The following SCCPDH variants were observed in gnomAD, a reference collection of about 807,000 sequenced individuals.
SCCPDH encodes saccharopine dehydrogenase-like oxidoreductase.
A neutral mutation model predicts 51.5 loss-of-function variants in SCCPDH; 34 were observed. The observed-to-expected ratio is 0.66, with a 90% CI of 0.50 to 0.88. The LOEUF is 0.88. Among genes scored for constraint, SCCPDH ranks in the 40% least tolerant of loss-of-function variants. The pLI is 0.00. For synonymous variants in SCCPDH, 187 were observed against 191.3 expected (o/e 0.98, Z 0.19); for missense variants, 464 against 527.1 (o/e 0.88, Z 1.17).
chr1:246,734,553 A>T (rs1668540325), intron 2 of SCCPDH, among the ~76,000 whole-genome samples: 2 of 152,094 alleles, frequency 1.3e-5, no homozygotes, highest in Admixed American at 6.5e-5. Context: ...AGGAACTCGA[A>T]TTTCACACAC....
chr1:246,765,408 G>A (rs1669073223), intron 10 of SCCPDH, among the ~76,000 whole-genome samples: 1 of 152,206 alleles, frequency 6.6e-6, no homozygotes, highest in Non-Finnish European at 1.5e-5. Context: ...TTTTAATCAA[G>A]CCAGATGATA....
At chr1:246,743,045 T>C (rs1262086121) in intron 4 of SCCPDH, among the ~76,000 whole-genome samples, 2 of 152,206 alleles carry the variant, frequency 1.3e-5, no homozygotes, top group Non-Finnish European at 2.9e-5. Flanking sequence ...TGTAAGCCAC[T>C]GTTAATAAGC....
chr1:246,763,390 TG>T (rs1669046708), intron 9 of SCCPDH, among the ~76,000 whole-genome samples: 1 of 152,198 alleles, frequency 6.6e-6, no homozygotes, highest in African/African-American at 2.4e-5. Context: ...TGTCTGACCT[TG>T]TCTGTACCTC....
intron 2 of SCCPDH, among the ~76,000 whole-genome samples, chr1:246,733,902 CAG>C (rs1009886371): frequency 1.3e-5 from 2 of 152,150 alleles, no homozygotes; most frequent in African/African-American, 2.4e-5. Context: ...TAACAAAAAA[CAG>C]AGGGAAATCC....
intron 4 of SCCPDH, among the ~76,000 whole-genome samples, chr1:246,742,804 C>T (rs1668699841): frequency 6.6e-6 from 1 of 152,130 alleles, no homozygotes; most frequent in South Asian, 2.1e-4. Context: ...AATTAGCCAG[C>T]CCATTATATT....
rs1668988963 is a variant in SCCPDH, at chr1:246,760,126, A to G, written c.934-45A>G. 5.0e-6 allele frequency: 8 copies of G among 1,595,434 alleles called. No individual in the cohort carries two copies. The East Asian group carries it at 6.7e-5, about 13-fold the overall frequency. ...ATTATTTTTATTAGAAGTATTTTCC[A>G]TGAGTTTTAAAAAAATATCACTGAC... is the stretch of plus-strand genomic sequence containing the variant. On this transcript the variant is annotated intron_variant, in intron 8 of 11. Transcript: ENST00000366510.
rs1387685602 is a variant in SCCPDH, at chr1:246,760,063, A to C, written c.920A>C (p.Gln307Pro). ...TTTGTGAGGTTTGGAATTGGAAGGC[A>C]ACTTCTCATAAAAGTAAGTAAGATT... ...LFFVRFGIGRQLLIKFPWFFS... is the reference protein window; with the variant it reads ...LFFVRFGIGRPLLIKFPWFFS... Residue 307 changes from glutamine (Q) to proline (P), a missense_variant, in exon 8 of 12, where the codon CAA (glutamine) becomes CCA (proline). Physicochemically the swap from Gln to Pro is moderately conservative, Grantham distance 76. Transcript: ENST00000366510. 1.2e-6 allele frequency: 2 copies of C among 1,611,900 alleles called. No individual in the cohort carries two copies. The highest frequency in any genetic ancestry group is 1.7e-6 in the Non-Finnish European group (2 of 1,179,086).
chr1:246,744,212 AT>A, intron 5 of SCCPDH, 87 bp downstream of exon 5: 1 of 673,396 alleles, frequency 1.5e-6, no homozygotes, highest in Non-Finnish European at 2.5e-6. Flanking sequence ...GGTATGTATA[AT>A]TTTTAATGTG....
chr1:246,756,557 T>C (rs1668935260), intron 5 of SCCPDH, among the ~76,000 whole-genome samples: 1 of 152,262 alleles, frequency 6.6e-6, no homozygotes, highest in Admixed American at 6.5e-5. Context: ...TAAGAAAATA[T>C]GTTTAGATTT....
chr1:246,733,965 T>TA (rs1668532471), intron 2 of SCCPDH, among the ~76,000 whole-genome samples: 1 of 152,164 alleles, frequency 6.6e-6, no homozygotes, highest in Non-Finnish European at 1.5e-5. Context: ...GCACAGATTT[T>TA]ATTGAAGTTG....
intron 7 of SCCPDH, 41 bp from the exon 8 acceptor site, chr1:246,759,916 G>A (rs758987699): frequency 6.3e-7 from 1 of 1,585,930 alleles, no homozygotes; most frequent in East Asian, 2.3e-5. Context: ...GGTCCAAAAT[G>A]TAGGGAGTAA....
intron 1 of SCCPDH, among the ~76,000 whole-genome samples, chr1:246,725,920 C>CT (rs1668390866): frequency 6.6e-6 from 1 of 152,098 alleles, no homozygotes; most frequent in African/African-American, 2.4e-5. Flanking sequence ...ATAGCGTGTG[C>CT]TTTTCACCTC....
intron 5 of SCCPDH, among the ~76,000 whole-genome samples, chr1:246,757,767 G>A (rs560926271): frequency 6.6e-6 from 1 of 152,168 alleles, no homozygotes; most frequent in Middle Eastern, 3.2e-3. Flanking sequence ...ACAGGATGGA[G>A]AGATGGACAG....
intron 5 of SCCPDH, among the ~76,000 whole-genome samples, chr1:246,748,011 G>A (rs145125608): frequency 1.4e-4 from 22 of 152,258 alleles, no homozygotes; most frequent in African/African-American, 5.1e-4. Flanking sequence ...TGAAACCTTC[G>A]AAGAGGAATT....
intron 5 of SCCPDH, among the ~76,000 whole-genome samples, chr1:246,745,547 T>C (rs1176869296): frequency 6.6e-6 from 1 of 152,172 alleles, no homozygotes. Flanking sequence ...GATCATGAAC[T>C]TTCTGGAGAA....
intron 11 of SCCPDH, among the ~76,000 whole-genome samples, chr1:246,766,589 T>C (rs1031717757): frequency 3.3e-5 from 5 of 152,228 alleles, no homozygotes; most frequent in African/African-American, 1.2e-4. Context: ...AGCATTTAGC[T>C]GTCCCCCTAA....
chr1:246,735,722 G>A (rs1668556131), intron 2 of SCCPDH, among the ~76,000 whole-genome samples: 2 of 152,190 alleles, frequency 1.3e-5, no homozygotes, highest in South Asian at 2.1e-4. Context: ...AGTCGAGATG[G>A]GGTTTCACCA....
chr1:246,731,740 T>C (rs1668493428), intron 2 of SCCPDH, among the ~76,000 whole-genome samples: 1 of 152,230 alleles, frequency 6.6e-6, no homozygotes, highest in Non-Finnish European at 1.5e-5. Context: ...TTTATTTAAG[T>C]TCTAGGGTAC....
Position 246,764,295 on chromosome 1 carries a change from A to G in SCCPDH, c.1040A>G (p.Gln347Arg), listed in dbSNP as rs17856752. The stretch of plus-strand genomic sequence containing the variant: ...ACATTCTTTGGTCAAGGATACAGCC[A>G]AGGCACTGGTACAGATAAGAACAAA... Reference protein sequence around the residue: ...TLTFFGQGYSQGTGTDKNKPN... With the variant: ...TLTFFGQGYSRGTGTDKNKPN... Residue 347 changes from glutamine (Q) to arginine (R), a missense_variant, in exon 10 of 12, where the codon CAA (glutamine) becomes CGA (arginine). Physicochemically the swap from Gln to Arg is conservative, Grantham distance 43. Coordinates refer to ENST00000366510, the MANE Select transcript of SCCPDH (RefSeq NM_016002.3). 2 of 1,614,072 alleles carry G rather than the reference A, an allele frequency of 1.2e-6. No individual in the cohort carries two copies. The highest frequency in any genetic ancestry group is 1.1e-5 in the South Asian group (1 of 91,056).
Sources: gnomAD v4.1 joint callset for allele counts (sites outside exome capture counted in the v4.1 genomes callset) on GRCh38, gnomAD v4.1.1 for gene constraint, MANE v1.5 for transcripts, NCBI Gene and HGNC (gene_info 2026-07-23, HGNC 2026-07-21) for gene names.